RBFOX1: variants seen among roughly 807,000 people sequenced by gnomAD.
The protein encoded by RBFOX1 is RNA binding protein fox-1 homolog 1.
In RBFOX1, 8 loss-of-function variants were observed where a neutral mutation model predicts 57.7. That is an observed-to-expected ratio of 0.14 (90% CI 0.08 to 0.25). RBFOX1 has a LOEUF of 0.25. Ranked by LOEUF, RBFOX1 falls within the 10% of genes least tolerant of loss-of-function variation. The pLI is 1.00. For missense variants in RBFOX1, 611 were observed against 548.5 expected (o/e 1.11, Z -1.14); for synonymous variants, 326 against 222.4 (o/e 1.47, Z -4.15).
intron 2 of RBFOX1, among the ~76,000 whole-genome samples, chr16:5,544,646 G>A (rs1332367127): frequency 1.3e-5 from 2 of 152,068 alleles, no homozygotes; most frequent in African/African-American, 4.8e-5. Flanking sequence ...CAGCTAACCA[G>A]AATGATCAGG....
chr16:6,728,562 C>CA (rs1212936085), intron 3 of RBFOX1, among the ~76,000 whole-genome samples: 20 of 152,146 alleles, frequency 1.3e-4, no homozygotes, highest in Non-Finnish European at 2.6e-4. Context: ...TTATCCCCCA[C>CA]AAAAAGCACA....
chr16:7,106,382 A>C (rs2063586205), intron 4 of RBFOX1, among the ~76,000 whole-genome samples: 1 of 152,178 alleles, frequency 6.6e-6, no homozygotes, highest in African/African-American at 2.4e-5. Context: ...GTCAGATTGA[A>C]AAATATTTTA....
chr16:7,662,646 C>T (rs115106850), intron 12 of RBFOX1, among the ~76,000 whole-genome samples: 2,230 of 152,214 alleles, frequency 0.015, 61 homozygotes, highest in African/African-American at 0.048. Context: ...CAGAAATTGA[C>T]GAGTGGCTCT....
At chr16:6,631,419 T>G (rs1293588381) in intron 2 of RBFOX1, among the ~76,000 whole-genome samples, 4 of 151,830 alleles carry the variant, frequency 2.6e-5, no homozygotes, top group South Asian at 4.2e-4. Flanking sequence ...TTTTTTTTTT[T>G]GTAAGGGAAA....
At chr16:7,492,534 C>A (rs546046233) in intron 4 of RBFOX1, among the ~76,000 whole-genome samples, 1 of 152,212 alleles carries the variant, frequency 6.6e-6, no homozygotes, top group African/African-American at 2.4e-5. Context: ...CTTAAAACGA[C>A]ACTAAATAAA....
At chr16:7,249,602 A>AC (rs57229725) in intron 4 of RBFOX1, among the ~76,000 whole-genome samples, 1 of 73,590 alleles carries the variant, frequency 1.4e-5, no homozygotes, top group African/African-American at 8.5e-5. Flanking sequence ...TTCTTTCTTT[A>AC]AAAAAAAAAA....
At chr16:6,434,576 T>C (rs1415132941) in intron 2 of RBFOX1, among the ~76,000 whole-genome samples, 1 of 152,192 alleles carries the variant, frequency 6.6e-6, no homozygotes, top group African/African-American at 2.4e-5. Context: ...ACTTCTAAAA[T>C]AGAATTCAGT....
chr16:7,033,785 T>G (rs1420141989), intron 3 of RBFOX1, among the ~76,000 whole-genome samples: 1 of 152,036 alleles, frequency 6.6e-6, no homozygotes, highest in East Asian at 1.9e-4. Flanking sequence ...CTGAGTAACA[T>G]AGCAAAACCT....
intron 11 of RBFOX1, among the ~76,000 whole-genome samples, chr16:7,653,065 GTATA>G (rs113683782): frequency 0.016 from 2,492 of 152,248 alleles, 72 homozygotes; most frequent in African/African-American, 0.057. Flanking sequence ...GTACATATAT[GTATA>G]TATACATGCA....
intron 3 of RBFOX1, among the ~76,000 whole-genome samples, chr16:6,757,306 C>G (rs138392519): frequency 4.6e-5 from 7 of 152,142 alleles, no homozygotes; most frequent in Admixed American, 3.3e-4. Flanking sequence ...GATATTTACC[C>G]AGAGGAAAGA....
At chr16:6,818,327 TG>T (rs543163245) in intron 3 of RBFOX1, among the ~76,000 whole-genome samples, 2 of 152,076 alleles carry the variant, frequency 1.3e-5, no homozygotes, top group South Asian at 2.1e-4. Flanking sequence ...GGTTTCTAAA[TG>T]GGTGTGACAT....
chr16:7,379,974 C>T (rs1413189030), intron 4 of RBFOX1, among the ~76,000 whole-genome samples: 1 of 152,156 alleles, frequency 6.6e-6, no homozygotes, highest in Non-Finnish European at 1.5e-5. Context: ...CTCCTGCCTC[C>T]TTCTCCAAAG....
At chr16:6,622,320 ATTTTTTATC>A (rs2098244734) in intron 2 of RBFOX1, among the ~76,000 whole-genome samples, 1 of 152,106 alleles carries the variant, frequency 6.6e-6, no homozygotes, top group East Asian at 1.9e-4. Flanking sequence ...CAGATGTATA[ATTTTTTATC>A]TTTTATATTT....
intron 3 of RBFOX1, among the ~76,000 whole-genome samples, chr16:6,934,347 T>C (rs1752048975): frequency 6.6e-6 from 1 of 152,210 alleles, no homozygotes. Context: ...AATACGTATT[T>C]ATGTAATAAA....
At chr16:6,770,790 A>G (rs1322334216) in intron 3 of RBFOX1, among the ~76,000 whole-genome samples, 1 of 151,996 alleles carries the variant, frequency 6.6e-6, no homozygotes, top group Non-Finnish European at 1.5e-5. Context: ...TAAGGAAGTT[A>G]CTCTTTATAT....
chr16:7,598,847 C>G (rs891826085), intron 9 of RBFOX1, among the ~76,000 whole-genome samples: 28 of 152,088 alleles, frequency 1.8e-4, no homozygotes, highest in African/African-American at 6.8e-4. Context: ...TAGGTTCAGT[C>G]AGAACTAAAT....
chr16:5,438,402 C>T lies in RBFOX1; in HGVS notation c.220-28814C>T, dbSNP rs1597067819. ...GCTTTGTGCCAGGCACTGTTAGAGA[C>T]ACTGGACATAAAGCAGTGGACAAGT... On this transcript the variant is annotated intron_variant, in intron 1 of 2. Coordinates refer to the RBFOX1 transcript ENST00000585867. Among the ~76,000 whole-genome samples, 5 of 152,290 alleles carry T rather than the reference C, an allele frequency of 3.3e-5. No individual in the cohort carries two copies. In the South Asian group the frequency reaches 1.0e-3, roughly 32 times the overall value.
At chr16:5,533,166 C>T (rs956727721) in intron 2 of RBFOX1, among the ~76,000 whole-genome samples, 7 of 152,024 alleles carry the variant, frequency 4.6e-5, no homozygotes, top group African/African-American at 1.5e-4. Flanking sequence ...AGGGTAAGAA[C>T]GTATTTAGAA....
At chr16:5,649,961 C>T (rs569298037) in intron 3 of RBFOX1, among the ~76,000 whole-genome samples, 2 of 152,156 alleles carry the variant, frequency 1.3e-5, no homozygotes, top group Non-Finnish European at 2.9e-5. Context: ...CGGTGGAACA[C>T]GCGGGGAGGT....
Sources: allele counts gnomAD v4.1 joint callset (sites outside exome capture counted in the v4.1 genomes callset), GRCh38; gene constraint gnomAD v4.1.1; transcripts MANE v1.5; gene names NCBI Gene and HGNC (gene_info 2026-07-23, HGNC 2026-07-21).